The following TTC34 variants were observed in gnomAD, a reference collection of about 807,000 sequenced individuals.
TTC34 encodes tetratricopeptide repeat domain 34, also known as tetratricopeptide repeat protein 34.
TTC34 carries 44 observed loss-of-function variants against 40.7 expected under a neutral mutation model. The observed-to-expected ratio is 1.08, with a 90% CI of 0.85 to 1.39. TTC34 has a LOEUF of 1.39. TTC34 is among the 40% of genes most tolerant of loss of function. The pLI is 0.00. For missense variants in TTC34, 884 were observed against 838.0 expected, an observed-to-expected ratio of 1.05 and a Z score of -0.68; for synonymous variants, 422 against 398.6, an observed-to-expected ratio of 1.06 and a Z score of -0.70.
rs1270476872 is a variant in TTC34, at chr1:2,752,340, A to T, written c.2226+31269T>A. Among the ~76,000 whole-genome samples, 59 of 129,218 alleles carry T rather than the reference A, an allele frequency of 4.6e-4. 8 individuals are homozygous for T. The East Asian group carries it at 0.014, about 30-fold the overall frequency. 84.8% of individuals were successfully genotyped at this position (129,218 alleles called of 152,430 possible). ...GGAACAGCACGCACACCCCCAGGTG[A>T]GCATCTGACCGCCTGGAACAGCACC... is the stretch of plus-strand genomic sequence containing the variant. On this transcript the variant is annotated intron_variant, in intron 6 of 8. Transcript: ENST00000401095.
intron 6 of TTC34, among the ~76,000 whole-genome samples, chr1:2,768,126 A>T (rs986167875): frequency 2.0e-5 from 3 of 150,944 alleles, no homozygotes; most frequent in Non-Finnish European, 4.4e-5. Context: ...GCACCTGCAC[A>T]CTTAGGTAAG....
rs1404951923 is a variant in TTC34 at position 2,660,731 on chromosome 1, T to C, written c.2227-15168A>G. 5.0e-4 allele frequency among the ~76,000 whole-genome samples: 24 copies of C among 48,094 alleles called. 6 individuals carry two copies. The highest frequency in any genetic ancestry group is 2.0e-3 in the African/African-American group (21 of 10,720). The allele number at this position is 48,094 out of a possible 152,430, so 31.6% of individuals were successfully genotyped here. ...CACACCCCCAGGTGAGCATCTGACA[T>C]CGTGGAGCAGCACCCCACACCCACA... On this transcript the variant is annotated intron_variant, in intron 6 of 8. Transcript: ENST00000401095.
rs1048380837 is a variant in TTC34 at position 2,797,000 on chromosome 1, C to T, written c.784+3044G>A. On this transcript the variant is annotated intron_variant, in intron 2 of 8. Transcript: ENST00000401095. The surrounding 1 kb of genome is among the most constrained non-coding windows in gnomAD (Gnocchi z 4.5). ...TACCTGTCTTTATCTTGCAAACCCC[C>T]TTCTCTTCTGGCCCTGATCCGTCAC... Among the ~76,000 whole-genome samples, 7 of 151,994 alleles carry T rather than the reference C, an allele frequency of 4.6e-5. No individual in the cohort carries two copies. The highest frequency in any genetic ancestry group is 4.6e-4 in the Admixed American group (7 of 15,260).
rs1338839887 is a variant in TTC34 at position 2,687,890 on chromosome 1, C to T, written c.2227-42327G>A. On this transcript the variant is annotated intron_variant, in intron 6 of 8. Transcript: ENST00000401095. ...CAGCCTGGAACAGAACCCACATCCC[C>T]AGGTGAGCATCTGACAGACTGGAAC... Among the ~76,000 whole-genome samples the T allele has an allele frequency of 5.3e-5, 8 of 149,968 alleles. No homozygotes were observed. The Admixed American group carries it at 5.3e-4, about 10-fold the overall frequency.
intron 6 of TTC34, among the ~76,000 whole-genome samples, chr1:2,779,204 C>T (rs1282195831): frequency 6.6e-6 from 1 of 152,216 alleles, no homozygotes. Context: ...CCTCCAAGCT[C>T]TTGTGAACAA....
At chr1:2,771,543 A>T (rs1446141332) in intron 6 of TTC34, among the ~76,000 whole-genome samples, 1 of 75,148 alleles carries the variant, frequency 1.3e-5, no homozygotes, top group Non-Finnish European at 2.4e-5. Flanking sequence ...AGCATCTGAC[A>T]GCCTGGAGCA....
intron 2 of TTC34, among the ~76,000 whole-genome samples, chr1:2,798,731 C>CCA: frequency 7.5e-6 from 1 of 134,134 alleles, no homozygotes; most frequent in African/African-American, 2.8e-5. Context: ...CTCAGCCCCT[C>CCA]AGCCCCCCAG....
intron 2 of TTC34, among the ~76,000 whole-genome samples, chr1:2,793,739 C>T (rs954806048): frequency 4.6e-5 from 7 of 152,296 alleles, no homozygotes; most frequent in East Asian, 3.9e-4. Flanking sequence ...TTTAGATCGA[C>T]GTGGGTCCAC....
chr1:2,773,918 C>G (rs1642777104), intron 6 of TTC34: 1 of 87,976 alleles, frequency 1.1e-5, no homozygotes, highest in Non-Finnish European at 2.1e-5. Context: ...GAGAATCTGA[C>G]AGCATAAAAC....
chr1:2,685,221 G>C (rs376385748), intron 6 of TTC34, among the ~76,000 whole-genome samples: 451 of 30,376 alleles, frequency 0.015, no homozygotes, highest in Non-Finnish European at 0.023. Context: ...ATCTGACATC[G>C]TGGAGCAGCA....
At chr1:2,748,883 T>TTGGAGCAGCACCCACACCCA (rs1641229286) in intron 6 of TTC34, among the ~76,000 whole-genome samples, 4 of 4,762 alleles carry the variant, frequency 8.4e-4, no homozygotes, top group Admixed American at 2.4e-3. Context: ...ACCCACACCT[T>TTGGAGCAGCACCCACACCCA]CAGGTGAGCA....
rs1281973937 is a variant in TTC34, at chr1:2,699,435, C to A, written c.2227-53872G>T. 1.9e-5 allele frequency among the ~76,000 whole-genome samples: 2 copies of A among 106,922 alleles called. 1 individual carries two copies. The highest frequency in any genetic ancestry group is 4.4e-5 in the Non-Finnish European group (2 of 45,308). 70.1% of individuals were successfully genotyped at this position (106,922 alleles called of 152,430 possible). ...CACCCCAAGGTGAGTATCTGACAGC[C>A]TGGAACATCACCCCGCACCCACAGG... On this transcript the variant is annotated intron_variant, in intron 6 of 8. Transcript: ENST00000401095.
intron 6 of TTC34, among the ~76,000 whole-genome samples, chr1:2,686,163 A>C (rs551730339): frequency 3.3e-5 from 2 of 60,112 alleles, no homozygotes; most frequent in Admixed American, 2.1e-4. Flanking sequence ...ACGCATAACC[A>C]CAGGTGAACA....
At chr1:2,662,542 T>C (rs1639586648) in intron 6 of TTC34, among the ~76,000 whole-genome samples, 1 of 61,862 alleles carries the variant, frequency 1.6e-5, no homozygotes, top group African/African-American at 5.4e-5. Context: ...TCTGACAACC[T>C]GGAGCAGCAC....
chr1:2,641,957 C>T (rs1466873900), intron 8 of TTC34, 62 bp from the exon 9 acceptor site: 1 of 1,426,118 alleles, frequency 7.0e-7, no homozygotes, highest in Non-Finnish European at 9.2e-7. Flanking sequence ...CCCGGCCGCC[C>T]CTGCCCTGCA....
intron 6 of TTC34, among the ~76,000 whole-genome samples, chr1:2,752,492 A>C (rs1247523595): frequency 0.077 from 2,335 of 30,484 alleles, 1 homozygote; most frequent in Middle Eastern, 0.2. Flanking sequence ...GCACCCACAC[A>C]GCCAGGTGAG....
intron 6 of TTC34, among the ~76,000 whole-genome samples, chr1:2,651,675 C>G (rs1229843815): frequency 2.0e-5 from 3 of 150,136 alleles, no homozygotes; most frequent in Non-Finnish European, 4.5e-5. Flanking sequence ...GAAGTCACCC[C>G]CACACCCAGG....
chr1:2,755,764 G>A (rs1274566773), intron 6 of TTC34, among the ~76,000 whole-genome samples: 22 of 118,646 alleles, frequency 1.9e-4, no homozygotes, highest in Middle Eastern at 4.0e-3. Context: ...GCATCTGACA[G>A]CCTGGAACGG....
At chr1:2,780,494 GT>G (rs774073957) in intron 6 of TTC34, among the ~76,000 whole-genome samples, 137 of 152,254 alleles carry the variant, frequency 9.0e-4, no homozygotes, top group Non-Finnish European at 1.5e-3. Context: ...CTTTTGCATA[GT>G]TTTCCCTGCA....
Sources: allele counts gnomAD v4.1 joint callset (sites outside exome capture counted in the v4.1 genomes callset), GRCh38; gene constraint gnomAD v4.1.1; non-coding constraint Gnocchi (gnomAD v3.1); transcripts MANE v1.5; gene names NCBI Gene and HGNC (gene_info 2026-07-23, HGNC 2026-07-21).